Variants in NUP210L observed in about 807,000 individuals in gnomAD.
NUP210L encodes the protein nuclear pore membrane glycoprotein 210-like.
A neutral mutation model predicts 208.5 loss-of-function variants in NUP210L; 74 were observed. That is an observed-to-expected ratio of 0.35 (90% CI 0.29 to 0.43). The LOEUF is 0.43. Ranked by LOEUF, NUP210L falls within the 20% of genes least tolerant of loss-of-function variation. The pLI, the probability that NUP210L is intolerant of heterozygous loss-of-function variation, is 1.00. For missense variants in NUP210L, 1,843 were observed against 2,289.4 expected (o/e 0.81, Z 3.98); for synonymous variants, 780 against 816.9 (o/e 0.95, Z 0.77).
exon 32 of NUP210L, chr1:154,022,269 G>A: frequency 6.2e-6 from 10 of 1,614,134 alleles, no homozygotes; most frequent in Non-Finnish European, 8.5e-6. Flanking sequence ...CCCCACAAGT[G>A]TCAGCCCTCT....
At chr1:154,150,316 G>T (rs1659318018) in intron 2 of NUP210L, among the ~76,000 whole-genome samples, 1 of 152,172 alleles carries the variant, frequency 6.6e-6, no homozygotes, top group Non-Finnish European at 1.5e-5. Flanking sequence ...AGAGGTTGCG[G>T]TGAGTGGAGA....
At chr1:154,096,728 G>A (rs978980559) in intron 14 of NUP210L, among the ~76,000 whole-genome samples, 1 of 151,758 alleles carries the variant, frequency 6.6e-6, no homozygotes, top group Non-Finnish European at 1.5e-5. Context: ...ACTCCAGCCT[G>A]GGCAACAAGA....
At chr1:154,069,986 G>A (rs1237966892) in intron 17 of NUP210L, among the ~76,000 whole-genome samples, 5 of 152,122 alleles carry the variant, frequency 3.3e-5, no homozygotes, top group African/African-American at 1.2e-4. Flanking sequence ...TCTCTCAGAG[G>A]TGGGAATTGA....
intron 28 of NUP210L, among the ~76,000 whole-genome samples, chr1:154,029,018 C>A (rs1652064710): frequency 1.3e-5 from 2 of 150,940 alleles, no homozygotes; most frequent in Admixed American, 6.6e-5. Context: ...ATTACCTGAA[C>A]GCTGCAGTGA....
intron 33 of NUP210L, among the ~76,000 whole-genome samples, chr1:154,014,028 G>C (rs1384376560): frequency 6.6e-6 from 1 of 152,090 alleles, no homozygotes; most frequent in East Asian, 1.9e-4. Flanking sequence ...GCCTCTAAAA[G>C]TGCTGGGATT....
At chr1:154,066,418 T>G (rs1393715059) in intron 17 of NUP210L, among the ~76,000 whole-genome samples, 1 of 152,170 alleles carries the variant, frequency 6.6e-6, no homozygotes, top group Non-Finnish European at 1.5e-5. Flanking sequence ...GAGAACATCC[T>G]GGCTAACACG....
At position 154,063,326 on chromosome 1, in the gene NUP210L, T is replaced by C. The variant is rs7519053; in HGVS notation, c.2555-1652A>G. Among the ~76,000 whole-genome samples, 292 of 152,160 alleles carry C rather than the reference T, an allele frequency of 1.9e-3. 1 individual carries two copies. The highest frequency in any genetic ancestry group is 6.8e-3 in the African/African-American group (283 of 41,514). ...GTGAGAAAAGCATGTTTTAAGAAAATAGAACATATGCAATATATGCAAAGG... is the reference window on the plus strand; with the variant it reads ...GTGAGAAAAGCATGTTTTAAGAAAACAGAACATATGCAATATATGCAAAGG... On this transcript the variant is annotated intron_variant, in intron 17 of 39. Coordinates refer to ENST00000368559, the Ensembl canonical transcript of NUP210L.
rs185808272 is a variant in NUP210L, at chr1:154,012,236, T to C, written c.4780+8A>G. The C allele has an allele frequency of 1.2e-6, 2 of 1,613,150 alleles. No individual in the cohort carries two copies. The highest frequency in any genetic ancestry group is 4.5e-5 in the East Asian group (2 of 44,860). ...AACAATCACTGAAACCATGAAGAGA[T>C]TCCTGACCTTTAAGATTGACACCAT... On this transcript the variant is annotated splice_region_variant and intron_variant, in intron 34 of 39. Coordinates refer to ENST00000368559, the Ensembl canonical transcript of NUP210L.
At chr1:154,063,570 T>C (rs920947982) in intron 17 of NUP210L, among the ~76,000 whole-genome samples, 1 of 152,196 alleles carries the variant, frequency 6.6e-6, no homozygotes, top group Non-Finnish European at 1.5e-5. Flanking sequence ...CAGGCTTTGA[T>C]GTCAGGGAGT....
exon 13 of NUP210L, chr1:154,104,026 G>A: frequency 6.2e-7 from 1 of 1,613,548 alleles, no homozygotes; most frequent in South Asian, 1.1e-5. Context: ...TTTGAGAAGA[G>A]TAAAGACTCC....
At chr1:154,079,682 C>CAA (rs11424914) in intron 16 of NUP210L, 38,666 of 146,564 alleles carry the variant, frequency 0.26, 5,319 homozygotes, top group Admixed American at 0.37. Flanking sequence ...AAAAGCCATA[C>CAA]AAAAAAAAAA....
chr1:154,089,497 C>T, exon 16 of NUP210L: 1 of 1,614,108 alleles, frequency 6.2e-7, no homozygotes. Context: ...TACTGACATA[C>T]TGGCAGGGTG....
rs560660826 is a variant in NUP210L at position 154,017,797 on chromosome 1, T to C, written c.4653+1136A>G. On this transcript the variant is annotated intron_variant, in intron 33 of 39. Coordinates refer to ENST00000368559, the Ensembl canonical transcript of NUP210L. ...TCCCAAGGTGCTGGGATTAGAGGCG[T>C]GAGCCACGGCACTAAGCCTGGTTGT... Among the ~76,000 whole-genome samples the C allele has an allele frequency of 2.0e-5, 3 of 152,254 alleles. No homozygotes were observed. The South Asian group carries it at 6.2e-4, about 32-fold the overall frequency.
At chr1:154,082,337 T>C (rs1385893747) in intron 16 of NUP210L, among the ~76,000 whole-genome samples, 1 of 152,172 alleles carries the variant, frequency 6.6e-6, no homozygotes, top group Non-Finnish European at 1.5e-5. Flanking sequence ...AATTGCATTG[T>C]GGTATTGCCA....
intron 16 of NUP210L, among the ~76,000 whole-genome samples, chr1:154,086,208 T>A: frequency 1.4e-5 from 2 of 139,526 alleles, no homozygotes. Flanking sequence ...TGAGACTCAG[T>A]CTCAAAAAAA....
At chr1:154,008,654 T>C (rs55869753) in intron 35 of NUP210L, among the ~76,000 whole-genome samples, 1 of 152,126 alleles carries the variant, frequency 6.6e-6, no homozygotes, top group African/African-American at 2.4e-5. Flanking sequence ...TGTAGTGAGC[T>C]GAAATCGTGC....
chr1:154,010,107 T>G, exon 35 of NUP210L: 2 of 1,613,544 alleles, frequency 1.2e-6, no homozygotes, highest in Non-Finnish European at 1.7e-6. Context: ...AAGGCCTGGT[T>G]TGGGGTACAG....
Position 154,099,985 on chromosome 1 carries a change from T to A in NUP210L, c.1965+13A>T. ...TAAAAGAAATGCCAGTTCCTTACCA[T>A]GAAATATCTTACCTTTAGGGGTTCA... On this transcript the variant is annotated intron_variant, in intron 14 of 39. Coordinates refer to ENST00000368559, the Ensembl canonical transcript of NUP210L. 6.2e-7 allele frequency: 1 copy of A among 1,612,398 alleles called. No individual in the cohort carries two copies. Among genetic ancestry groups the A allele is most frequent in the Non-Finnish European group, 8.5e-7 (1 of 1,178,410 alleles).
rs757897504 is a variant in NUP210L at position 154,061,008 on chromosome 1, C to T, written c.2682G>A (p.Leu894=). The stretch of plus-strand genomic sequence containing the variant: ...CTACAGTTACATCATCTACCAGGAG[C>T]AGTTCCACATCTACAGATCTGGGCA... Residue 894 remains leucine, a synonymous_variant, in exon 19 of 40, where the codon CTG becomes CTA. Coordinates refer to ENST00000368559, the Ensembl canonical transcript of NUP210L. The T allele has an allele frequency of 6.8e-6, 11 of 1,613,600 alleles. No homozygotes were observed. The South Asian group carries it at 9.9e-5, about 14-fold the overall frequency.
Sources: gnomAD v4.1 joint callset for allele counts (sites outside exome capture counted in the v4.1 genomes callset) on GRCh38, gnomAD v4.1.1 for gene constraint, MANE v1.5 for transcripts, NCBI Gene and HGNC (gene_info 2026-07-23, HGNC 2026-07-21) for gene names.